PCDH9: variants seen among roughly 807,000 people sequenced by gnomAD.
PCDH9 encodes protocadherin 9, also known as protocadherin-9.
PCDH9 carries 24 observed loss-of-function variants against 70.6 expected under a neutral mutation model. The ratio of observed to expected loss-of-function variants is 0.34; its 90% CI spans 0.25 to 0.48. The LOEUF is 0.48. Ranked by LOEUF, PCDH9 falls within the 20% of genes least tolerant of loss-of-function variation. The pLI, the probability that PCDH9 is intolerant of heterozygous loss-of-function variation, is 0.99. For synonymous variants in PCDH9, 562 were observed against 558.5 expected, an observed-to-expected ratio of 1.01 and a Z score of -0.09; for missense variants, 1,281 against 1,503.6, an observed-to-expected ratio of 0.85 and a Z score of 2.45.
At chr13:66,429,209 T>A (rs1400605260) in intron 4 of PCDH9, among the ~76,000 whole-genome samples, 1 of 151,780 alleles carries the variant, frequency 6.6e-6, no homozygotes, top group Non-Finnish European at 1.5e-5. Context: ...AGACTGTAGG[T>A]AAATAAAGCA....
intron 4 of PCDH9, among the ~76,000 whole-genome samples, chr13:66,594,875 A>G (rs2077083176): frequency 6.6e-6 from 1 of 151,638 alleles, no homozygotes; most frequent in South Asian, 2.1e-4. Context: ...TGTTGATTAA[A>G]TAAATGATTG....
At chr13:66,365,277 C>T (rs1213519463) in intron 4 of PCDH9, among the ~76,000 whole-genome samples, 1 of 152,126 alleles carries the variant, frequency 6.6e-6, no homozygotes, top group Non-Finnish European at 1.5e-5. Context: ...TCTTGTAGTC[C>T]AAGTGATGTG....
intron 4 of PCDH9, among the ~76,000 whole-genome samples, chr13:66,445,540 T>A (rs929210527): frequency 7.0e-5 from 10 of 143,582 alleles, no homozygotes; most frequent in Admixed American, 2.2e-4. Context: ...ACATATATAT[T>A]ATATATACAC....
At chr13:66,316,030 ATTTCC>A (rs1955646154) in intron 4 of PCDH9, among the ~76,000 whole-genome samples, 1 of 152,088 alleles carries the variant, frequency 6.6e-6, no homozygotes. Flanking sequence ...GAAAGAATTC[ATTTCC>A]TTTCCTTTTA....
chr13:67,014,588 A>G (rs1323901), intron 2 of PCDH9, among the ~76,000 whole-genome samples: 90,025 of 151,798 alleles, frequency 0.59, 27,233 homozygotes, highest in East Asian at 0.95. Context: ...TCTGAGCCAC[A>G]CCCACTCTAC....
chr13:66,346,567 C>A (rs1956215784), intron 4 of PCDH9, among the ~76,000 whole-genome samples: 1 of 152,178 alleles, frequency 6.6e-6, no homozygotes, highest in African/African-American at 2.4e-5. Context: ...GCTGTATAAA[C>A]CCATCCATCA....
At chr13:67,158,160 A>T (rs2087862676) in intron 2 of PCDH9, among the ~76,000 whole-genome samples, 1 of 152,162 alleles carries the variant, frequency 6.6e-6, no homozygotes, top group African/African-American at 2.4e-5. Flanking sequence ...TTCCTGAGAG[A>T]TATTATAAAG....
intron 3 of PCDH9, among the ~76,000 whole-genome samples, chr13:66,678,378 G>T (rs556009329): frequency 3.3e-5 from 5 of 152,158 alleles, no homozygotes; most frequent in African/African-American, 1.2e-4. Context: ...AAGTATAGAT[G>T]TTAGATCTTA....
chr13:66,623,030 G>A (rs1191340560), intron 4 of PCDH9, among the ~76,000 whole-genome samples: 1 of 152,132 alleles, frequency 6.6e-6, no homozygotes, highest in Non-Finnish European at 1.5e-5. Context: ...CACTCCTGAA[G>A]CCCGCGAGAC....
At chr13:67,068,351 G>C (rs573565352) in intron 2 of PCDH9, among the ~76,000 whole-genome samples, 1 of 151,956 alleles carries the variant, frequency 6.6e-6, no homozygotes, top group South Asian at 2.1e-4. Flanking sequence ...ACAAAAGTTA[G>C]CTTTGCATGA....
At chr13:67,018,560 A>C (rs1431948807) in intron 2 of PCDH9, among the ~76,000 whole-genome samples, 1 of 149,702 alleles carries the variant, frequency 6.7e-6, no homozygotes, top group African/African-American at 2.5e-5. Context: ...CAGAAGTTGC[A>C]GTGAACCTAG....
intron 2 of PCDH9, among the ~76,000 whole-genome samples, chr13:67,195,925 T>A (rs942885663): frequency 1.3e-5 from 2 of 152,212 alleles, no homozygotes; most frequent in African/African-American, 4.8e-5. Context: ...CGACTTGATA[T>A]GTTTACTAAA....
intron 4 of PCDH9, among the ~76,000 whole-genome samples, chr13:66,514,314 A>T (rs1959627272): frequency 6.6e-6 from 1 of 152,048 alleles, no homozygotes; most frequent in Non-Finnish European, 1.5e-5. Context: ...ACATATTGGG[A>T]TATTCACCTT....
At chr13:66,825,526 G>A (rs1382509382) in intron 3 of PCDH9, among the ~76,000 whole-genome samples, 3 of 150,566 alleles carry the variant, frequency 2.0e-5, no homozygotes, top group Non-Finnish European at 4.4e-5. Flanking sequence ...TAGTAGAGAC[G>A]GGGTTTCACC....
intron 2 of PCDH9, among the ~76,000 whole-genome samples, chr13:67,177,836 G>C (rs1247216031): frequency 6.6e-6 from 1 of 151,956 alleles, no homozygotes; most frequent in South Asian, 2.1e-4. Context: ...GTCCAAAATT[G>C]AGCCCAGTGC....
intron 4 of PCDH9, among the ~76,000 whole-genome samples, chr13:66,494,183 T>C (rs952523200): frequency 1.3e-5 from 2 of 152,140 alleles, no homozygotes; most frequent in African/African-American, 4.8e-5. Flanking sequence ...TCAACAAAGT[T>C]ACTTATCAAA....
intron 2 of PCDH9, among the ~76,000 whole-genome samples, chr13:66,976,363 T>A (rs539619365): frequency 3.3e-5 from 5 of 152,230 alleles, no homozygotes; most frequent in East Asian, 3.9e-4. Flanking sequence ...AAACTGGAGA[T>A]GTATTTAAAG....
chr13:66,680,715 T>G (rs1347852269), intron 3 of PCDH9, among the ~76,000 whole-genome samples: 1 of 151,838 alleles, frequency 6.6e-6, no homozygotes, highest in Non-Finnish European at 1.5e-5. Context: ...CAATGAGCAA[T>G]AGTACACAAT....
chr13:67,176,020 A>C (rs542142205), intron 2 of PCDH9, among the ~76,000 whole-genome samples: 1 of 152,150 alleles, frequency 6.6e-6, no homozygotes, highest in South Asian at 2.1e-4. Flanking sequence ...GAGCTAGCTG[A>C]TAAGTTTTAT....
Sources: gnomAD v4.1 joint callset for allele counts (sites outside exome capture counted in the v4.1 genomes callset) on GRCh38, gnomAD v4.1.1 for gene constraint, MANE v1.5 for transcripts, NCBI Gene and HGNC (gene_info 2026-07-23, HGNC 2026-07-21) for gene names.